Variants in TOMM40 observed in about 807,000 individuals in gnomAD.
The protein encoded by TOMM40 is mitochondrial import receptor subunit TOM40 homolog.
In TOMM40, 9 loss-of-function variants were observed where a neutral mutation model predicts 38.4. The ratio of observed to expected loss-of-function variants is 0.23; its 90% CI spans 0.14 to 0.41. The LOEUF is 0.41. Among genes scored for constraint, TOMM40 ranks in the 10% least tolerant of loss-of-function variants. The pLI, the probability that TOMM40 is intolerant of heterozygous loss-of-function variation, is 1.00. For synonymous variants in TOMM40, 184 were observed against 210.0 expected, an observed-to-expected ratio of 0.88 and a Z score of 1.07; for missense variants, 299 against 486.5, an observed-to-expected ratio of 0.61 and a Z score of 3.63.
At chr19:44,899,676 A>G in intron 5 of TOMM40, among the ~76,000 whole-genome samples, 1 of 147,632 alleles carries the variant, frequency 6.8e-6, no homozygotes. Context: ...AATTTTTTGT[A>G]GAGATGGGGT....
At chr19:44,901,171 A>C in intron 7 of TOMM40, 37 bp from the exon 8 acceptor site, 1 of 1,613,758 alleles carries the variant, frequency 6.2e-7, no homozygotes, top group Non-Finnish European at 8.5e-7. Flanking sequence ...AGGTGGGGCC[A>C]CTTGCTAATT....
intron 1 of TOMM40, among the ~76,000 whole-genome samples, chr19:44,891,909 T>A (rs551815912): frequency 1.3e-5 from 2 of 152,138 alleles, no homozygotes; most frequent in Non-Finnish European, 2.9e-5. Flanking sequence ...GAGAAAAGCC[T>A]TTAGGGACCT....
In TOMM40 at chr19:44,894,038, G is replaced by T. The variant is rs1183102264; in HGVS notation, c.615G>T (p.Leu205=). The change falls in exon 5 of 9, where the codon CTG becomes CTT. Residue 205 remains leucine, a synonymous_variant. Coordinates refer to ENST00000426677, the MANE Select transcript of TOMM40 (RefSeq NM_001128917.2). ...CTGACTTCACAGCAGCCGTCACCCT[G>T]GGGAACCCAGACGTCCTCGTGGGTT... is the stretch of plus-strand genomic sequence containing the variant. ...RGSDFTAAVT[L]GNPDVLVGSG... 2 of 1,526,386 alleles carry T rather than the reference G, an allele frequency of 1.3e-6. No homozygotes were observed. Among genetic ancestry groups the T allele is most frequent in the South Asian group, 2.6e-5 (2 of 77,766 alleles). The allele number at this position is 1,526,386 out of a possible 1,614,324, so 94.6% of individuals were successfully genotyped here.
chr19:44,900,646 G>T (rs532401557), intron 5 of TOMM40, 84 bp from the exon 6 acceptor site: 1 of 1,605,444 alleles, frequency 6.2e-7, no homozygotes. Flanking sequence ...GCCTCCAGCC[G>T]GGGTGAGCCT....
At chr19:44,893,565 CTG>C (rs1969508131) in intron 3 of TOMM40, among the ~76,000 whole-genome samples, 1 of 152,226 alleles carries the variant, frequency 6.6e-6, no homozygotes, top group Non-Finnish European at 1.5e-5. Flanking sequence ...AGGGGACAGA[CTG>C]TTCCCAGAGA....
chr19:44,897,638 G>A (rs556370698), intron 5 of TOMM40, among the ~76,000 whole-genome samples: 7 of 152,064 alleles, frequency 4.6e-5, no homozygotes, highest in Admixed American at 2.6e-4. Flanking sequence ...TTTTTGCGTC[G>A]TGGCACATGC....
rs1037181539 is a variant in TOMM40 at position 44,903,556 on chromosome 19, C to T, written c.*387C>T. 21 of 195,138 alleles carry T rather than the reference C, an allele frequency of 1.1e-4. No homozygotes were observed. The highest frequency in any genetic ancestry group is 3.6e-4 in the African/African-American group (15 of 42,246). The allele number at this position is 195,138 out of a possible 1,614,324, so 12.1% of individuals were successfully genotyped here. On this transcript the variant is annotated 3_prime_UTR_variant, in exon 9 of 9. Transcript: ENST00000426677. ...GCAGCGAGAGGAGCTTCCCCATCCC[C>T]GGTCAGTCCACCCTGCCCCGTCCAC... is the stretch of plus-strand genomic sequence containing the variant.
In TOMM40 at chr19:44,900,837, G is replaced by T; in HGVS notation, c.751G>T (p.Ala251Ser). Residue 251 changes from alanine (A) to serine (S), a missense_variant, in exon 6 of 9, where the codon GCT (alanine) becomes TCT (serine). Physicochemically the swap from Ala to Ser is moderately conservative, Grantham distance 99 (BLOSUM62 1). Coordinates refer to ENST00000426677, the MANE Select transcript of TOMM40 (RefSeq NM_001128917.2). The stretch of plus-strand genomic sequence containing the variant: ...AGAGGAGGGCACTGTCATGTCTCTA[G>T]CTGGGAAATACACATGTGAGCCTGG... ...PGEEGTVMSL[A>S]GKYTLNNWLA... 6.2e-7 allele frequency: 1 copy of T among 1,613,998 alleles called. No homozygotes were observed. The highest frequency in any genetic ancestry group is 2.2e-5 in the East Asian group (1 of 44,894).
intron 5 of TOMM40, among the ~76,000 whole-genome samples, chr19:44,895,994 G>A (rs1969557866): frequency 1.3e-5 from 2 of 152,132 alleles, no homozygotes; most frequent in South Asian, 2.1e-4. Flanking sequence ...GCCCTCTGTC[G>A]TCCACCATTG....
At chr19:44,899,195 G>T (rs993999711) in intron 5 of TOMM40, among the ~76,000 whole-genome samples, 1 of 151,502 alleles carries the variant, frequency 6.6e-6, no homozygotes, top group Non-Finnish European at 1.5e-5. Context: ...TGCCCACGTT[G>T]GAGTGCAGTG....
chr19:44,891,638 G>T lies in TOMM40; in HGVS notation c.223G>T (p.Gly75Cys). ...ASGAAEDGACGCLPNPGTFEE... is the reference protein window; with the variant it reads ...ASGAAEDGACCCLPNPGTFEE... ...AGGGGCCGCCGAGGATGGGGCCTGCGGCTGCCTGCCCAACCCGGGCACATT... is the reference window on the plus strand; with the variant it reads ...AGGGGCCGCCGAGGATGGGGCCTGCTGCTGCCTGCCCAACCCGGGCACATT... The change falls in exon 1 of 9, where the codon GGC becomes TGC. Residue 75 changes from glycine (G) to cysteine (C), a missense_variant. Transcript: ENST00000426677. 6.7e-7 allele frequency: 1 copy of T among 1,482,778 alleles called. No homozygotes were observed. Among genetic ancestry groups the T allele is most frequent in the Non-Finnish European group, 8.9e-7 (1 of 1,121,432 alleles). The allele number at this position is 1,482,778 out of a possible 1,614,324, so 91.9% of individuals were successfully genotyped here. A position where few individuals can be genotyped will look rare whatever the true frequency, so the allele number is the denominator to read the frequency against.
chr19:44,897,160 T>A (rs1243431335), intron 5 of TOMM40, among the ~76,000 whole-genome samples: 1 of 152,108 alleles, frequency 6.6e-6, no homozygotes, highest in African/African-American at 2.4e-5. Flanking sequence ...GATCCCTCTG[T>A]CTGCTGTCTG....
At position 44,891,511 on chromosome 19, in the gene TOMM40, GC is replaced by G; in HGVS notation, c.98del (p.Pro33ArgfsTer77). 1 of 1,399,194 alleles carries G rather than the reference GC, an allele frequency of 7.1e-7. No individual in the cohort carries two copies. Among genetic ancestry groups the G allele is most frequent in the South Asian group, 1.5e-5 (1 of 66,024 alleles). 86.7% of individuals were successfully genotyped at this position (1,399,194 alleles called of 1,614,324 possible). ...VGLPPPPPSPPGFTLPPLGGS... is the reference protein window; with the variant it reads ...VGLPPPPPSPXGFTLPPLGGS... Reference sequence around the variant, plus strand: ...GGCTGCCGCCACCTCCGCCCTCGCCGCCGGGCTTCACGCTGCCGCCGCTGGG... The same window carrying G: ...GGCTGCCGCCACCTCCGCCCTCGCCGCGGGCTTCACGCTGCCGCCGCTGGG... On this transcript the variant is annotated frameshift_variant, in exon 1 of 9. Coordinates refer to ENST00000426677, the MANE Select transcript of TOMM40 (RefSeq NM_001128917.2). LOFTEE classifies it high-confidence loss of function.
At chr19:44,899,136 A>T (rs1969629212) in intron 5 of TOMM40, among the ~76,000 whole-genome samples, 1 of 150,556 alleles carries the variant, frequency 6.6e-6, no homozygotes, top group South Asian at 2.1e-4. Context: ...CCATCTCAAA[A>T]AAAAAAAAAA....
rs768159450 is a variant in TOMM40 at position 44,893,892 on chromosome 19, C to T, written c.537+11C>T. On this transcript the variant is annotated intron_variant, in intron 4 of 8. Coordinates refer to ENST00000426677, the MANE Select transcript of TOMM40 (RefSeq NM_001128917.2). Reference sequence around the variant, plus strand: ...AAGATGGCCATCCAGGTGAGTGGGGCACGGAGGCTGCTGCTCCCCTCGGCC... The same window carrying T: ...AAGATGGCCATCCAGGTGAGTGGGGTACGGAGGCTGCTGCTCCCCTCGGCC... 3.1e-6 allele frequency: 5 copies of T among 1,611,546 alleles called. No individual in the cohort carries two copies. The South Asian group carries it at 5.5e-5, about 18-fold the overall frequency.
chr19:44,900,153 C>T (rs532361261), intron 5 of TOMM40, among the ~76,000 whole-genome samples: 2 of 152,238 alleles, frequency 1.3e-5, no homozygotes, highest in Admixed American at 6.5e-5. Context: ...GACACAGGAA[C>T]GCAGACTTGG....
chr19:44,897,313 A>G (rs938404950), intron 5 of TOMM40, among the ~76,000 whole-genome samples: 2 of 152,172 alleles, frequency 1.3e-5, no homozygotes, highest in African/African-American at 2.4e-5. Context: ...CCTGGAACTC[A>G]GAGGCCAGAG....
intron 8 of TOMM40, 34 bp downstream of exon 8, chr19:44,901,344 G>A: frequency 6.3e-7 from 1 of 1,595,838 alleles, no homozygotes; most frequent in Non-Finnish European, 8.5e-7. Flanking sequence ...CGGGAAACAG[G>A]CAGGAGGTGA....
intron 5 of TOMM40, 112 bp from the exon 6 acceptor site, chr19:44,900,618 G>C: frequency 6.3e-7 from 1 of 1,589,256 alleles, no homozygotes; most frequent in Non-Finnish European, 8.5e-7. Flanking sequence ...CTTGAGGGAG[G>C]CCTGAGAGCA....
Sources: gnomAD v4.1 joint callset for allele counts (sites outside exome capture counted in the v4.1 genomes callset) on GRCh38, gnomAD v4.1.1 for gene constraint, MANE v1.5 for transcripts, NCBI Gene and HGNC (gene_info 2026-07-23, HGNC 2026-07-21) for gene names.